PCDHGB4: variants seen among roughly 807,000 people sequenced by gnomAD.
PCDHGB4 encodes protocadherin gamma subfamily B, 4.
Under a neutral mutation model 60.5 loss-of-function variants are expected in PCDHGB4, and 38 were observed. That is an observed-to-expected ratio of 0.63 (90% CI 0.48 to 0.82). PCDHGB4 has a LOEUF of 0.82. Among genes scored for constraint, PCDHGB4 ranks in the 40% least tolerant of loss-of-function variants. The pLI, the probability that PCDHGB4 is intolerant of heterozygous loss-of-function variation, is 0.00. For synonymous variants in PCDHGB4, 456 were observed against 509.7 expected (o/e 0.89, Z 1.42); for missense variants, 1,109 against 1,209.6 (o/e 0.92, Z 1.23).
At chr5:141,420,077 C>A (rs760626443) in intron 1 of PCDHGB4, 1 of 1,613,900 alleles carries the variant, frequency 6.2e-7, no homozygotes, top group Non-Finnish European at 8.5e-7. Context: ...ACCTGTGGGT[C>A]CCCCCAACTA....
chr5:141,492,360 G>A (rs2099739696), intron 1 of PCDHGB4, among the ~76,000 whole-genome samples: 1 of 152,190 alleles, frequency 6.6e-6, no homozygotes, highest in African/African-American at 2.4e-5. Context: ...CCACTCGCTC[G>A]CGGCCAGATT....
chr5:141,495,080 G>A (rs73794925), intron 2 of PCDHGB4, among the ~76,000 whole-genome samples: 1 of 152,258 alleles, frequency 6.6e-6, no homozygotes, highest in African/African-American at 2.4e-5. Flanking sequence ...TCACATGCTT[G>A]CCCCTTCCCT....
At chr5:141,409,896 C>A (rs1181128940) in intron 1 of PCDHGB4, 1 of 1,613,240 alleles carries the variant, frequency 6.2e-7, no homozygotes, top group African/African-American at 1.3e-5. Context: ...GTGCTGTACC[C>A]AGCTCTGGGT....
At chr5:141,500,930 G>A (rs1300719832) in intron 2 of PCDHGB4, among the ~76,000 whole-genome samples, 4 of 151,824 alleles carry the variant, frequency 2.6e-5, no homozygotes, top group Admixed American at 6.6e-5. Context: ...GTGCAGTGGC[G>A]CCATCTCGGC....
At position 141,476,051 on chromosome 5, in the gene PCDHGB4, GA is replaced by G; in HGVS notation, c.2398-18753del. On this transcript the variant is annotated intron_variant, in intron 1 of 3. Transcript: ENST00000519479. This position sits in a 1 kb window ranked among gnomAD's most constrained non-coding sequence, Gnocchi z 7.6. ...CCCAGCGCCCAAGCGCTAACCCGCT[GA>G]AAGTTTCTCAGCGAAATCTCAGGGA... 1.3e-6 allele frequency: 2 copies of G among 1,504,270 alleles called. No individual in the cohort carries two copies. The highest frequency in any genetic ancestry group is 1.8e-6 in the Non-Finnish European group (2 of 1,133,694). The allele number at this position is 1,504,270 out of a possible 1,614,324, so 93.2% of individuals were successfully genotyped here.
intron 1 of PCDHGB4, chr5:141,478,541 G>T (rs905837179): frequency 1.2e-6 from 2 of 1,605,590 alleles, no homozygotes; most frequent in Non-Finnish European, 1.7e-6. Flanking sequence ...CGCCCCTCCC[G>T]GACAGGTAAG....
At chr5:141,510,358 C>T (rs186470331) in intron 3 of PCDHGB4, among the ~76,000 whole-genome samples, 187 of 144,062 alleles carry the variant, frequency 1.3e-3, no homozygotes, top group African/African-American at 4.6e-3. Context: ...ACTAACGGAA[C>T]TACCGAATCT....
intron 1 of PCDHGB4, chr5:141,427,552 C>T (rs1233231671): frequency 1.5e-6 from 1 of 645,244 alleles, no homozygotes; most frequent in South Asian, 1.5e-5. Context: ...ATCACTGCCA[C>T]TGACAAGGGC....
chr5:141,393,072 G>A (rs2092669892), intron 1 of PCDHGB4: 1 of 1,613,680 alleles, frequency 6.2e-7, no homozygotes. Flanking sequence ...CTTGATCACC[G>A]CGGGCAGGAT....
In PCDHGB4 at chr5:141,487,694, AC is replaced by A. The variant is rs1296386169; in HGVS notation, c.2398-7112del. On this transcript the variant is annotated intron_variant, in intron 1 of 3. Coordinates refer to ENST00000519479, the MANE Select transcript of PCDHGB4 (RefSeq NM_003736.4). The surrounding 1 kb of genome is among the most constrained non-coding windows in gnomAD (Gnocchi z 5.0). ...ATGGCTAGGCCATGTCCTAGAGAGT[AC>A]TGGCCTCTCAGTAAGTGCCCATAGT... is the stretch of plus-strand genomic sequence containing the variant. The A allele has an allele frequency of 6.2e-7, 1 of 1,602,048 alleles. No individual in the cohort carries two copies. The highest frequency in any genetic ancestry group is 2.2e-5 in the East Asian group (1 of 44,642).
At position 141,481,880 on chromosome 5, in the gene PCDHGB4, C is replaced by T. The variant is rs555652518; in HGVS notation, c.2398-12927C>T. Among the ~76,000 whole-genome samples, 5 of 145,406 alleles carry T rather than the reference C, an allele frequency of 3.4e-5. No individual in the cohort carries two copies. The East Asian group carries it at 1.0e-3, about 29-fold the overall frequency. On this transcript the variant is annotated intron_variant, in intron 1 of 3. Transcript: ENST00000519479. ...AGTGAGCCGAGATCGCGCCACTGCA[C>T]TCCAGCCTGGGTGAAAGAGCGAAAC...
At position 141,477,386 on chromosome 5, in the gene PCDHGB4, A is replaced by C; in HGVS notation, c.2398-17421A>C. 1 of 1,614,116 alleles carries C rather than the reference A, an allele frequency of 6.2e-7. No homozygotes were observed. Among genetic ancestry groups the C allele is most frequent in the South Asian group, 1.1e-5 (1 of 91,080 alleles). On this transcript the variant is annotated intron_variant, in intron 1 of 3. Coordinates refer to ENST00000519479, the MANE Select transcript of PCDHGB4 (RefSeq NM_003736.4). The surrounding 1 kb of genome is among the most constrained non-coding windows in gnomAD (Gnocchi z 4.9). ...GGATCGGGAGACTGTGCCAGAATAC[A>C]ACCTCAGCATCACCGCCCGAGACGC...
chr5:141,395,101 C>G, intron 1 of PCDHGB4: 3 of 1,614,164 alleles, frequency 1.9e-6, no homozygotes, highest in East Asian at 2.2e-5. Context: ...ACCGCCGACT[C>G]GCGGAAGAGT....
chr5:141,427,768 A>C (rs1003238906), intron 1 of PCDHGB4: 4 of 1,393,994 alleles, frequency 2.9e-6, no homozygotes, highest in Non-Finnish European at 4.0e-6. Context: ...ACTGACTTGG[A>C]GCTGCGGGCA....
chr5:141,426,523 G>A (rs1018320941), intron 1 of PCDHGB4: 14 of 342,474 alleles, frequency 4.1e-5, no homozygotes, highest in African/African-American at 3.0e-4. Flanking sequence ...CGTGAACACG[G>A]AGAATGGGAA....
Position 141,431,351 on chromosome 5 carries a change from C to T in PCDHGB4, c.2397+41070C>T, listed in dbSNP as rs1411192998. On this transcript the variant is annotated intron_variant, in intron 1 of 3. Coordinates refer to ENST00000519479, the MANE Select transcript of PCDHGB4 (RefSeq NM_003736.4). The surrounding 1 kb of genome is among the most constrained non-coding windows in gnomAD (Gnocchi z 4.8). ...TAAGTACCCCGAATTGGTGCTGAAACGCGCCCTGGACCGCGAAGAAAAGGC... is the reference window on the plus strand; with the variant it reads ...TAAGTACCCCGAATTGGTGCTGAAATGCGCCCTGGACCGCGAAGAAAAGGC... The T allele has an allele frequency of 1.9e-6, 3 of 1,613,946 alleles. No homozygotes were observed. Among genetic ancestry groups the T allele is most frequent in the African/African-American group, 2.7e-5 (2 of 74,938 alleles).
rs1485167379 is a variant in PCDHGB4, at chr5:141,485,881, C to T, written c.2398-8926C>T. 5.0e-6 allele frequency: 8 copies of T among 1,613,984 alleles called. No homozygotes were observed. Among genetic ancestry groups the T allele is most frequent in the East Asian group, 2.2e-5 (1 of 44,880 alleles). On this transcript the variant is annotated intron_variant, in intron 1 of 3. Transcript: ENST00000519479. The surrounding 1 kb of genome is among the most constrained non-coding windows in gnomAD (Gnocchi z 5.7). ...TCCGGGTATCCGTGCTGGACGTAAACGACAACGCCCCAGCCTTCCAGCAAT... is the reference window on the plus strand; with the variant it reads ...TCCGGGTATCCGTGCTGGACGTAAATGACAACGCCCCAGCCTTCCAGCAAT...
intron 1 of PCDHGB4, among the ~76,000 whole-genome samples, chr5:141,452,803 A>G (rs1045171800): frequency 2.6e-5 from 4 of 152,186 alleles, no homozygotes; most frequent in African/African-American, 9.7e-5. Context: ...TTTTTGCTGT[A>G]GTTTGTTCAT....
chr5:141,510,802 C>T (rs1358684730), intron 3 of PCDHGB4, 145 bp from the exon 4 acceptor site: 1 of 1,497,192 alleles, frequency 6.7e-7, no homozygotes, highest in African/African-American at 1.4e-5. Context: ...AGAGAGACTA[C>T]CTTGGTGACC....
Sources: allele counts gnomAD v4.1 joint callset (sites outside exome capture counted in the v4.1 genomes callset), GRCh38; gene constraint gnomAD v4.1.1; non-coding constraint Gnocchi (gnomAD v3.1); transcripts MANE v1.5; gene names NCBI Gene and HGNC (gene_info 2026-07-23, HGNC 2026-07-21).